The following TSHR variants were observed in gnomAD, a reference collection of about 807,000 sequenced individuals.
TSHR encodes the protein thyrotropin receptor.
Under a neutral mutation model 64.1 loss-of-function variants are expected in TSHR, and 51 were observed. That is an observed-to-expected ratio of 0.80 (90% CI 0.64 to 1.01). The LOEUF (loss-of-function observed/expected upper bound fraction) is 1.01, where lower values mean the gene tolerates loss of function less well. Among genes scored for constraint, TSHR ranks in the 50% least tolerant of loss-of-function variants. The pLI is 0.00. For missense variants in TSHR, 877 were observed against 942.8 expected, an observed-to-expected ratio of 0.93 and a Z score of 0.91; for synonymous variants, 361 against 361.9, an observed-to-expected ratio of 1.00 and a Z score of 0.03.
rs541268332 is a variant in TSHR at position 81,079,762 on chromosome 14, G to A, written c.318-8192G>A. On this transcript the variant is annotated intron_variant, in intron 3 of 9. Transcript: ENST00000298171. ...TCCCAGCTTCTCAGGAAGTTGAGGC[G>A]GGAGGATCACTTGAGCCTACAAGGT... Among the ~76,000 whole-genome samples the A allele has an allele frequency of 4.6e-5, 7 of 151,836 alleles. No homozygotes were observed. In the South Asian group the frequency reaches 6.2e-4, roughly 14 times the overall value.
At position 81,057,754 on chromosome 14, in the gene TSHR, G is replaced by A. The variant is rs146784470; in HGVS notation, c.171-4394G>A. Among the ~76,000 whole-genome samples, 3 of 152,258 alleles carry A rather than the reference G, an allele frequency of 2.0e-5. No individual in the cohort carries two copies. The South Asian group carries it at 6.2e-4, about 32-fold the overall frequency. On this transcript the variant is annotated intron_variant, in intron 1 of 9. Transcript: ENST00000298171. The stretch of plus-strand genomic sequence containing the variant: ...AAAATACTCTCAGCCTGTTTGCCAG[G>A]AGGCAAATAGGACACACAAGTGGGA...
chr14:81,000,163 C>T (rs1889238625), intron 1 of TSHR, among the ~76,000 whole-genome samples: 1 of 152,078 alleles, frequency 6.6e-6, no homozygotes, highest in African/African-American at 2.4e-5. Flanking sequence ...AACTCCTGAG[C>T]TCAGGCAATC....
At chr14:81,018,169 A>G (rs1433631519) in intron 1 of TSHR, among the ~76,000 whole-genome samples, 2 of 152,178 alleles carry the variant, frequency 1.3e-5, no homozygotes, top group African/African-American at 4.8e-5. Context: ...CATGTAATCC[A>G]GTGTCATTCA....
chr14:81,079,472 A>T (rs1220601679), intron 3 of TSHR, among the ~76,000 whole-genome samples: 1 of 152,208 alleles, frequency 6.6e-6, no homozygotes, highest in Admixed American at 6.5e-5. Context: ...AGACATTTCA[A>T]AGTGAGAATT....
intron 1 of TSHR, among the ~76,000 whole-genome samples, chr14:80,991,341 C>T (rs911059864): frequency 3.3e-5 from 5 of 152,016 alleles, no homozygotes; most frequent in African/African-American, 1.2e-4. Flanking sequence ...ACTTGGACAC[C>T]CTTCAAGAGC....
chr14:81,108,746 G>T, intron 8 of TSHR: 1 of 1,610,354 alleles, frequency 6.2e-7, no homozygotes, highest in Non-Finnish European at 8.5e-7. Context: ...AGCAGCTGCT[G>T]TTTGAAAAAT....
At chr14:81,091,540 G>A (rs1033140625) in intron 5 of TSHR, among the ~76,000 whole-genome samples, 1 of 152,198 alleles carries the variant, frequency 6.6e-6, no homozygotes, top group Admixed American at 6.5e-5. Context: ...GTTTTTAAAT[G>A]GAAGAAATTA....
rs565877441 is a variant in TSHR at position 81,142,815 on chromosome 14, G to T, written c.882-125G>T. On this transcript the variant is annotated intron_variant, in intron 9 of 9. Transcript: ENST00000298171. ...TATAGAGATGGGATTTCACCATGTT[G>T]CCCAGGCTGGTCTCAAACTCCTAGG... 442 of 804,100 alleles carry T rather than the reference G, an allele frequency of 5.5e-4. No homozygotes were observed. In the African/African-American group the frequency reaches 6.9e-3, roughly 13 times the overall value. 49.8% of individuals were successfully genotyped at this position (804,100 alleles called of 1,614,324 possible). A position where few individuals can be genotyped will look rare whatever the true frequency, so the allele number is the denominator to read the frequency against.
At chr14:81,076,068 T>G in intron 3 of TSHR, among the ~76,000 whole-genome samples, 1 of 152,110 alleles carries the variant, frequency 6.6e-6, no homozygotes, top group East Asian at 1.9e-4. Flanking sequence ...CACCGCATAT[T>G]CTCACTCATA....
chr14:81,045,625 GT>G (rs1022993344), intron 1 of TSHR, among the ~76,000 whole-genome samples: 10 of 151,548 alleles, frequency 6.6e-5, no homozygotes, highest in Admixed American at 5.3e-4. Flanking sequence ...CTCCCACTTG[GT>G]TTTTTTTCAT....
At position 81,066,075 on chromosome 14, in the gene TSHR, T is replaced by G. The variant is rs118032691; in HGVS notation, c.243-2179T>G. On this transcript the variant is annotated intron_variant, in intron 2 of 9. Transcript: ENST00000298171. Reference sequence around the variant, plus strand: ...GAATCACAATTTTTATCCCCCTGAATAAACGATTCCTGCCAGTTGTCTTCA... The same window carrying G: ...GAATCACAATTTTTATCCCCCTGAAGAAACGATTCCTGCCAGTTGTCTTCA... Among the ~76,000 whole-genome samples the G allele has an allele frequency of 1.7e-3, 263 of 152,266 alleles. 8 individuals carry two copies. The East Asian group carries it at 0.046, about 27-fold the overall frequency.
At chr14:81,112,469 A>G (rs1269214336) in intron 8 of TSHR, among the ~76,000 whole-genome samples, 1 of 152,126 alleles carries the variant, frequency 6.6e-6, no homozygotes, top group Non-Finnish European at 1.5e-5. Context: ...GCTCACAAGT[A>G]TCATGAGAAT....
chr14:81,143,920 A>G lies in TSHR; in HGVS notation c.1862A>G (p.Lys621Arg), dbSNP rs1462191458. The change falls in exon 10 of 10, where the codon AAA becomes AGA. Residue 621 changes from lysine (K) to arginine (R), a missense_variant. Coordinates refer to ENST00000298171, the MANE Select transcript of TSHR (RefSeq NM_000369.5). ...TACAACCCAGGGGACAAAGATACCA[A>G]AATTGCCAAGAGGATGGCTGTGTTG... ...PQYNPGDKDT[K>R]IAKRMAVLIF... 1 of 1,614,132 alleles carries G rather than the reference A, an allele frequency of 6.2e-7. No homozygotes were observed. Among genetic ancestry groups the G allele is most frequent in the Non-Finnish European group, 8.5e-7 (1 of 1,180,058 alleles).
At chr14:80,995,517 G>T (rs1460310977) in intron 1 of TSHR, 1 of 152,172 alleles carries the variant, frequency 6.6e-6, no homozygotes, top group Non-Finnish European at 1.5e-5. Context: ...ATGAGATCAT[G>T]TTCTTTGCAG....
At chr14:81,132,431 G>A (rs1350003488) in intron 8 of TSHR, among the ~76,000 whole-genome samples, 1 of 152,094 alleles carries the variant, frequency 6.6e-6, no homozygotes, top group Non-Finnish European at 1.5e-5. Flanking sequence ...TGCTTTTGAG[G>A]TTCAATTTGC....
chr14:81,038,783 T>TA (rs140970206), intron 1 of TSHR, among the ~76,000 whole-genome samples: 17 of 146,184 alleles, frequency 1.2e-4, no homozygotes, highest in African/African-American at 2.5e-4. Context: ...ATAGAAAAAA[T>TA]AAAAAAAAGA....
At chr14:81,131,167 G>A (rs1273798824) in intron 8 of TSHR, among the ~76,000 whole-genome samples, 1 of 152,114 alleles carries the variant, frequency 6.6e-6, no homozygotes, top group Non-Finnish European at 1.5e-5. Context: ...TCTCCCAGCT[G>A]CAGACTAGAA....
At chr14:81,040,500 C>T (rs534344321) in intron 1 of TSHR, among the ~76,000 whole-genome samples, 1 of 151,970 alleles carries the variant, frequency 6.6e-6, no homozygotes, top group South Asian at 2.1e-4. Flanking sequence ...ACAGCAAAGT[C>T]AACAATTAAC....
At chr14:81,108,137 T>A (rs540922938) in intron 7 of TSHR, among the ~76,000 whole-genome samples, 1 of 152,272 alleles carries the variant, frequency 6.6e-6, no homozygotes, top group African/African-American at 2.4e-5. Flanking sequence ...GTATGCAAAC[T>A]AGATCATAAA....
Sources: gnomAD v4.1 joint callset for allele counts (sites outside exome capture counted in the v4.1 genomes callset) on GRCh38, gnomAD v4.1.1 for gene constraint, MANE v1.5 for transcripts, NCBI Gene and HGNC (gene_info 2026-07-23, HGNC 2026-07-21) for gene names.